MTHFD1L: variants seen among roughly 807,000 people sequenced by gnomAD.
The protein encoded by MTHFD1L is monofunctional C1-tetrahydrofolate synthase, mitochondrial.
Under a neutral mutation model 119.5 loss-of-function variants are expected in MTHFD1L, and 81 were observed. That is an observed-to-expected ratio of 0.68 (90% confidence interval 0.57 to 0.82). MTHFD1L has a LOEUF of 0.82. MTHFD1L is among the 40% of genes least tolerant of loss of function. The pLI, the probability that MTHFD1L is intolerant of heterozygous loss-of-function variation, is 0.00. For synonymous variants in MTHFD1L, 430 were observed against 475.2 expected (o/e 0.90, Z 1.24); for missense variants, 1,125 against 1,253.4 (o/e 0.90, Z 1.55).
At chr6:150,878,360 T>C (rs1210181268) in intron 4 of MTHFD1L, among the ~76,000 whole-genome samples, 1 of 152,126 alleles carries the variant, frequency 6.6e-6, no homozygotes, top group Non-Finnish European at 1.5e-5. Context: ...CAAGCAATTC[T>C]CCTGCCTCAG....
intron 7 of MTHFD1L, among the ~76,000 whole-genome samples, chr6:150,892,444 A>G (rs1425807902): frequency 6.6e-6 from 1 of 152,204 alleles, no homozygotes; most frequent in Non-Finnish European, 1.5e-5. Context: ...TCTTGTTTTC[A>G]TATGGACCAG....
Position 151,070,186 on chromosome 6 carries a change from G to A in MTHFD1L, c.2848-22281G>A, listed in dbSNP as rs1338972477. 7.2e-5 allele frequency among the ~76,000 whole-genome samples: 11 copies of A among 152,154 alleles called. No individual in the cohort carries two copies. In the East Asian group the frequency reaches 1.2e-3, roughly 16 times the overall value. ...AGATTAGGTTTTATAAATTATGTTT[G>A]GCAAATGATAATCCACAAAGTAGAT... On this transcript the variant is annotated intron_variant, in intron 26 of 27. Transcript: ENST00000367321.
chr6:150,921,944 GCTT>G (rs1789017115), intron 9 of MTHFD1L, among the ~76,000 whole-genome samples: 2 of 152,078 alleles, frequency 1.3e-5, no homozygotes, highest in Admixed American at 6.6e-5. Context: ...AAACAGAGCA[GCTT>G]CTTTTAATAC....
chr6:150,892,063 T>C (rs995267420), intron 7 of MTHFD1L, among the ~76,000 whole-genome samples: 3 of 152,190 alleles, frequency 2.0e-5, no homozygotes, highest in African/African-American at 7.2e-5. Context: ...AACGTGAACC[T>C]GTGTGCGTTT....
Position 151,099,506 on chromosome 6 carries a change from G to C in MTHFD1L, c.*32-2020G>C. On this transcript the variant is annotated intron_variant, in intron 27 of 27. Coordinates refer to ENST00000367321, the MANE Select transcript of MTHFD1L (RefSeq NM_015440.5). ...CTCGGCGCTGCCTATGGAGGTGGCA[G>C]CCATCTCCTCCTCGGCATCTTGGCC... 2.7e-6 allele frequency: 4 copies of C among 1,487,046 alleles called. No homozygotes were observed. In the Admixed American group the frequency reaches 5.0e-5, roughly 19 times the overall value. 92.1% of individuals were successfully genotyped at this position (1,487,046 alleles called of 1,614,324 possible). A position where few individuals can be genotyped will look rare whatever the true frequency, so the allele number is the denominator to read the frequency against.
chr6:151,022,549 C>T (rs993443804), intron 24 of MTHFD1L, among the ~76,000 whole-genome samples: 2 of 152,246 alleles, frequency 1.3e-5, no homozygotes, highest in Non-Finnish European at 1.5e-5. Flanking sequence ...ATCTCTGTTG[C>T]CTTTTACATT....
intron 26 of MTHFD1L, among the ~76,000 whole-genome samples, chr6:151,081,601 G>A (rs1425345677): frequency 6.6e-6 from 1 of 152,122 alleles, no homozygotes; most frequent in African/African-American, 2.4e-5. Context: ...GAACCTGGGA[G>A]GCAGAGGTTG....
intron 14 of MTHFD1L, 58 bp from the exon 15 acceptor site, chr6:150,945,409 G>T (rs541119994): frequency 1.4e-6 from 2 of 1,401,522 alleles, no homozygotes; most frequent in African/African-American, 1.4e-5. Flanking sequence ...CCTGTGAATT[G>T]TCCAAGTTCA....
intron 8 of MTHFD1L, among the ~76,000 whole-genome samples, chr6:150,915,151 T>G (rs175860): frequency 0.57 from 87,152 of 152,114 alleles, 26,176 homozygotes; most frequent in African/African-American, 0.77. Flanking sequence ...TTTAAACCAA[T>G]CCTGTCCAAA....
chr6:150,973,088 C>T (rs1213985964), intron 20 of MTHFD1L, among the ~76,000 whole-genome samples: 3 of 152,220 alleles, frequency 2.0e-5, no homozygotes, highest in Admixed American at 6.5e-5. Flanking sequence ...ATTTCCCATG[C>T]TAACAGGTAA....
At chr6:150,897,858 T>C (rs1784497009) in intron 7 of MTHFD1L, among the ~76,000 whole-genome samples, 1 of 152,190 alleles carries the variant, frequency 6.6e-6, no homozygotes, top group Non-Finnish European at 1.5e-5. Context: ...AAAAAAATTT[T>C]TTTGAGACAG....
intron 8 of MTHFD1L, among the ~76,000 whole-genome samples, chr6:150,912,011 G>A (rs560030256): frequency 3.3e-5 from 5 of 152,016 alleles, no homozygotes; most frequent in Non-Finnish European, 7.4e-5. Context: ...CATATCAGAG[G>A]AGGAGGTGCA....
intron 13 of MTHFD1L, among the ~76,000 whole-genome samples, chr6:150,941,939 A>G (rs1562423049): frequency 1.3e-5 from 2 of 152,344 alleles, no homozygotes; most frequent in Non-Finnish European, 2.9e-5. Context: ...ATCTTCACCA[A>G]TAATCAAGTA....
At chr6:151,062,734 C>T (rs1790788006) in intron 26 of MTHFD1L, among the ~76,000 whole-genome samples, 1 of 152,140 alleles carries the variant, frequency 6.6e-6, no homozygotes, top group Admixed American at 6.6e-5. Context: ...GTGAAACCTG[C>T]AAACTGTAAA....
At chr6:150,912,823 T>A in intron 8 of MTHFD1L, 1 of 350,714 alleles carries the variant, frequency 2.9e-6, no homozygotes, top group Non-Finnish European at 6.0e-6. Flanking sequence ...GATCCCAGGA[T>A]ATTACCCAGG....
At chr6:151,068,086 A>G (rs897722679) in intron 26 of MTHFD1L, among the ~76,000 whole-genome samples, 1 of 152,278 alleles carries the variant, frequency 6.6e-6, no homozygotes, top group South Asian at 2.1e-4. Flanking sequence ...AAATAACACA[A>G]TTCTGATTCA....
At chr6:150,933,488 G>T (rs1276490452) in intron 11 of MTHFD1L, among the ~76,000 whole-genome samples, 1 of 152,028 alleles carries the variant, frequency 6.6e-6, no homozygotes, top group South Asian at 2.1e-4. Context: ...CAGTCTTCAC[G>T]TTGACCCCAC....
intron 20 of MTHFD1L, among the ~76,000 whole-genome samples, chr6:150,994,077 A>AGGAAGGAAGGAAGGAAGG (rs1554273889): frequency 1.4e-4 from 15 of 105,308 alleles, no homozygotes; most frequent in African/African-American, 5.5e-4. Flanking sequence ...AAAAAAAAAA[A>AGGAAGGAAGGAAGGAAGG]AAAGAAAGAA....
chr6:151,015,916 A>G (rs959443425), intron 24 of MTHFD1L, among the ~76,000 whole-genome samples: 4 of 152,028 alleles, frequency 2.6e-5, no homozygotes, highest in Admixed American at 2.6e-4. Flanking sequence ...GAGAAACCCC[A>G]TCTCTACTAA....
Sources: allele counts gnomAD v4.1 joint callset (sites outside exome capture counted in the v4.1 genomes callset), GRCh38; gene constraint gnomAD v4.1.1; transcripts MANE v1.5; gene names NCBI Gene and HGNC (gene_info 2026-07-23, HGNC 2026-07-21).